Variants in PARN observed in about 807,000 individuals in gnomAD.
The protein encoded by PARN is poly(A)-specific ribonuclease, also known as poly(A)-specific ribonuclease PARN.
A neutral mutation model predicts 102.8 loss-of-function variants in PARN; 71 were observed. The observed-to-expected ratio is 0.69, with a 90% CI of 0.57 to 0.84. The LOEUF is 0.84. Among genes scored for constraint, PARN ranks in the 40% least tolerant of loss-of-function variants. The probability of loss-of-function intolerance (pLI) is 0.00; values close to 1 mark genes in which losing one functional copy is unlikely to be tolerated. For synonymous variants in PARN, 261 were observed against 252.9 expected, an observed-to-expected ratio of 1.03 and a Z score of -0.30; for missense variants, 782 against 760.9, an observed-to-expected ratio of 1.03 and a Z score of -0.33.
intron 21 of PARN, among the ~76,000 whole-genome samples, chr16:14,502,271 TTC>T (rs1335828260): frequency 6.6e-6 from 1 of 152,216 alleles, no homozygotes; most frequent in Admixed American, 6.5e-5. Context: ...CCCTTGAAAC[TTC>T]TTTCTTCACA....
chr16:14,521,612 A>G (rs1254227256), intron 21 of PARN, among the ~76,000 whole-genome samples: 1 of 152,200 alleles, frequency 6.6e-6, no homozygotes, highest in Non-Finnish European at 1.5e-5. Context: ...CAGCCTGACC[A>G]ACATGAAGAA....
chr16:14,474,311 C>T (rs1962920401), intron 22 of PARN, among the ~76,000 whole-genome samples: 1 of 152,110 alleles, frequency 6.6e-6, no homozygotes, highest in Non-Finnish European at 1.5e-5. Context: ...AGCCAATGAT[C>T]TTTTTATTTG....
chr16:14,599,112 A>C (rs1970725058), intron 12 of PARN, among the ~76,000 whole-genome samples: 1 of 139,178 alleles, frequency 7.2e-6, no homozygotes, highest in Non-Finnish European at 1.5e-5. Flanking sequence ...GCGTGATCAC[A>C]GCTCACTGCA....
intron 23 of PARN, among the ~76,000 whole-genome samples, chr16:14,443,371 G>A (rs995398543): frequency 6.9e-5 from 10 of 144,492 alleles, no homozygotes; most frequent in South Asian, 2.1e-4. Flanking sequence ...ACAGAGTTTC[G>A]CTCTTGTAAC....
intron 22 of PARN, among the ~76,000 whole-genome samples, chr16:14,448,474 G>C (rs192198312): frequency 7.2e-5 from 11 of 152,188 alleles, no homozygotes; most frequent in Admixed American, 2.6e-4. Flanking sequence ...TTTTAGTAGA[G>C]GTGAGGTTTC....
chr16:14,590,275 A>AG, intron 13 of PARN, among the ~76,000 whole-genome samples: 1 of 122,486 alleles, frequency 8.2e-6, no homozygotes, highest in South Asian at 2.5e-4. Flanking sequence ...AAGAGAAGAG[A>AG]AAAAAAAAAA....
At chr16:14,561,696 C>T (rs1968077270) in intron 18 of PARN, among the ~76,000 whole-genome samples, 1 of 152,136 alleles carries the variant, frequency 6.6e-6, no homozygotes, top group Non-Finnish European at 1.5e-5. Context: ...GTAGTCCCAG[C>T]TACTCAGGAG....
chr16:14,475,715 T>A (rs1037283626), intron 22 of PARN, among the ~76,000 whole-genome samples: 7 of 152,138 alleles, frequency 4.6e-5, no homozygotes, highest in Non-Finnish European at 1.0e-4. Context: ...TAGAAGTGAG[T>A]CACAGAGCAG....
chr16:14,610,859 T>C (rs1286917124), intron 6 of PARN, 50 bp from the exon 7 acceptor site: 3 of 1,320,114 alleles, frequency 2.3e-6, no homozygotes, highest in African/African-American at 2.9e-5. Context: ...CTGTCTAACA[T>C]AAAATTTGTT....
chr16:14,609,385 C>G (rs1379093909), intron 7 of PARN, among the ~76,000 whole-genome samples: 1 of 151,878 alleles, frequency 6.6e-6, no homozygotes, highest in Non-Finnish European at 1.5e-5. Context: ...GGGCAATATA[C>G]TGAGAGCCCC....
chr16:14,467,785 C>T (rs1280563749), intron 22 of PARN, among the ~76,000 whole-genome samples: 1 of 152,204 alleles, frequency 6.6e-6, no homozygotes, highest in African/African-American at 2.4e-5. Flanking sequence ...TTCCTCTCTG[C>T]CTTACTGTAA....
At chr16:14,604,013 T>G in intron 11 of PARN, 133 bp downstream of exon 11, 1 of 710,192 alleles carries the variant, frequency 1.4e-6, no homozygotes, top group East Asian at 2.7e-5. Context: ...CAGGTTTTTC[T>G]GCCAATTCCA....
intron 22 of PARN, among the ~76,000 whole-genome samples, chr16:14,458,181 A>G (rs964066278): frequency 1.3e-5 from 2 of 152,212 alleles, no homozygotes; most frequent in Non-Finnish European, 2.9e-5. Flanking sequence ...AAGATACTAC[A>G]TTAATAATAA....
intron 18 of PARN, among the ~76,000 whole-genome samples, chr16:14,561,105 C>T (rs979392420): frequency 1.4e-5 from 2 of 146,494 alleles, no homozygotes; most frequent in Non-Finnish European, 1.5e-5. Flanking sequence ...TGCAGTGAGC[C>T]GAGATTGCAC....
intron 14 of PARN, among the ~76,000 whole-genome samples, chr16:14,585,618 G>C (rs906021287): frequency 6.6e-6 from 1 of 152,158 alleles, no homozygotes; most frequent in African/African-American, 2.4e-5. Flanking sequence ...CTGACTTGAA[G>C]TGGATGAAAA....
At chr16:14,487,351 T>C (rs1266115248) in intron 21 of PARN, among the ~76,000 whole-genome samples, 2 of 152,204 alleles carry the variant, frequency 1.3e-5, no homozygotes, top group African/African-American at 2.4e-5. Context: ...TTTATGTAGG[T>C]TGACAATTAG....
At chr16:14,628,722 G>A (rs1972832980) in intron 2 of PARN, among the ~76,000 whole-genome samples, 1 of 152,206 alleles carries the variant, frequency 6.6e-6, no homozygotes, top group African/African-American at 2.4e-5. Flanking sequence ...TCCTAGGGAA[G>A]TGATTCCAAC....
At chr16:14,585,687 C>T (rs1459024070) in intron 14 of PARN, among the ~76,000 whole-genome samples, 2 of 152,204 alleles carry the variant, frequency 1.3e-5, no homozygotes, top group African/African-American at 4.8e-5. Context: ...CTCAATTGGA[C>T]ACTTCAATAG....
chr16:14,458,758 C>T (rs777771427), intron 22 of PARN, among the ~76,000 whole-genome samples: 1 of 152,144 alleles, frequency 6.6e-6, no homozygotes, highest in Non-Finnish European at 1.5e-5. Flanking sequence ...GTAATAGGAT[C>T]CCCTACCCCA....
Sources: allele counts gnomAD v4.1 joint callset (sites outside exome capture counted in the v4.1 genomes callset), GRCh38; gene constraint gnomAD v4.1.1; transcripts MANE v1.5; gene names NCBI Gene and HGNC (gene_info 2026-07-23, HGNC 2026-07-21).